The following LIPJ variants were observed in gnomAD, a reference collection of about 807,000 sequenced individuals.
The protein encoded by LIPJ is lipase member J.
Under a neutral mutation model 39.8 loss-of-function variants are expected in LIPJ, and 33 were observed. That is an observed-to-expected ratio of 0.83 (90% CI 0.63 to 1.11). The LOEUF is 1.11. LIPJ is among the 50% of genes least tolerant of loss of function. The pLI is 0.00. For missense variants in LIPJ, 422 were observed against 427.9 expected (o/e 0.99, Z 0.12); for synonymous variants, 128 against 139.2 (o/e 0.92, Z 0.57).
At chr10:88,615,644 AAAAAAAAC>A in the LIPJ span, among the ~76,000 whole-genome samples, 1 of 150,766 alleles carries the variant, frequency 6.6e-6, no homozygotes, top group Non-Finnish European at 1.5e-5. Flanking sequence ...AAAAAAAAAA[AAAAAAAAC>A]AGAAAGAAAT....
At chr10:88,596,119 G>A (rs986969533) in intron 6 of LIPJ, among the ~76,000 whole-genome samples, 161 bp from the exon 7 acceptor site, 9 of 151,462 alleles carry the variant, frequency 5.9e-5, no homozygotes, top group African/African-American at 1.9e-4. Flanking sequence ...ATATAATGTT[G>A]TATACTAGGT....
chr10:88,593,934 T>C lies in LIPJ; in HGVS notation c.131-12T>C. On this transcript the variant is annotated splice_polypyrimidine_tract_variant and intron_variant, in intron 4 of 10. Coordinates refer to ENST00000371939, the Ensembl canonical transcript of LIPJ. ...CAAAATTTATAAAGAACTTTCTACA[T>C]TTTTTTCTCAGCTCAGAGGGTTGTT... The C allele has an allele frequency of 1.3e-6, 2 of 1,589,752 alleles. No homozygotes were observed. The highest frequency in any genetic ancestry group is 1.7e-6 in the Non-Finnish European group (2 of 1,168,364).
At chr10:88,591,131 G>GGGTT (rs1554941664) in intron 3 of LIPJ, among the ~76,000 whole-genome samples, 2 of 150,838 alleles carry the variant, frequency 1.3e-5, no homozygotes, top group African/African-American at 4.9e-5. Context: ...TGAGGGTAGG[G>GGGTT]GTTTGTTTGT....
At chr10:88,608,566 A>C (rs1237745433), downstream of LIPJ, among the ~76,000 whole-genome samples, 1 of 152,234 alleles carries the variant, frequency 6.6e-6, no homozygotes, top group Non-Finnish European at 1.5e-5. Flanking sequence ...AAGAAAGTCT[A>C]GAATTGAGTG....
Position 88,596,384 on chromosome 10 carries a change from A to G in LIPJ, c.544A>G (p.Arg182Gly), listed in dbSNP as rs1238459921. The change falls in exon 7 of 11, where the codon AGA (arginine) becomes GGA (glycine). Residue 182 changes from arginine to glycine, a missense_variant. Coordinates refer to ENST00000371939, the Ensembl canonical transcript of LIPJ. ...AAAGTACTTAAAAAGTCCTTTAATT[A>G]GAATGACATACAAATGGAAGTCAAT... 1.9e-6 allele frequency: 3 copies of G among 1,548,042 alleles called. No individual in the cohort carries two copies. The Admixed American group carries it at 5.9e-5, about 31-fold the overall frequency.
upstream of LIPJ, among the ~76,000 whole-genome samples, chr10:88,585,168 C>T (rs1850867429): frequency 1.3e-5 from 2 of 152,166 alleles, no homozygotes; most frequent in Non-Finnish European, 2.9e-5. Context: ...ATTTTATACA[C>T]GTTAATACAG....
At chr10:88,594,754 C>T in exon 6 of LIPJ, 2 of 1,533,260 alleles carry the variant, frequency 1.3e-6, no homozygotes, top group Middle Eastern at 1.7e-4. Flanking sequence ...TTTATGTAGG[C>T]CATTCACAGG....
chr10:88,604,582 A>G (rs1851599235), intron 9 of LIPJ, among the ~76,000 whole-genome samples: 1 of 152,206 alleles, frequency 6.6e-6, no homozygotes, highest in Admixed American at 6.5e-5. Flanking sequence ...ACAAGATTTA[A>G]TGAAGGACTC....
At chr10:88,621,772 G>C in the LIPJ span, among the ~76,000 whole-genome samples, 1 of 152,120 alleles carries the variant, frequency 6.6e-6, no homozygotes, top group South Asian at 2.1e-4. Flanking sequence ...AATGATATTT[G>C]ACCTAAGGAA....
the LIPJ span, among the ~76,000 whole-genome samples, chr10:88,617,436 G>A: frequency 3.9e-5 from 6 of 152,274 alleles, no homozygotes; most frequent in Admixed American, 6.5e-5. Context: ...CCAGGAATAC[G>A]TCTCCTACTT....
At chr10:88,607,304 G>C (rs1417095132), downstream of LIPJ, among the ~76,000 whole-genome samples, 1 of 152,078 alleles carries the variant, frequency 6.6e-6, no homozygotes, top group Non-Finnish European at 1.5e-5. Context: ...TAAATGAAGA[G>C]TAAAAACACT....
chr10:88,608,163 C>T (rs1851707890), downstream of LIPJ, among the ~76,000 whole-genome samples: 1 of 152,192 alleles, frequency 6.6e-6, no homozygotes. Context: ...CTCCTGCCTA[C>T]TCTAGCTATC....
intron 8 of LIPJ, among the ~76,000 whole-genome samples, chr10:88,601,091 G>A (rs373321855): frequency 6.6e-5 from 10 of 151,978 alleles, no homozygotes; most frequent in Non-Finnish European, 7.4e-5. Flanking sequence ...TCAGACTACC[G>A]ACACACGCCA....
At chr10:88,596,691 A>T in intron 7 of LIPJ, 99 bp from the exon 8 acceptor site, 1 of 1,133,658 alleles carries the variant, frequency 8.8e-7, no homozygotes, top group South Asian at 1.4e-5. Flanking sequence ...AACTACTGTG[A>T]GATAATTTAT....
intron 8 of LIPJ, 120 bp from the exon 9 acceptor site, chr10:88,602,453 TTAA>T: frequency 3.6e-6 from 2 of 552,272 alleles, no homozygotes; most frequent in Non-Finnish European, 5.9e-6. Flanking sequence ...GATTTGTTTA[TTAA>T]TATGATTAAT....
At chr10:88,606,871 C>T (rs751810861) in exon 11 of LIPJ, 1 of 1,588,266 alleles carries the variant, frequency 6.3e-7, no homozygotes, top group South Asian at 1.1e-5. Flanking sequence ...ATCAAGTTTA[C>T]CATGAAATCA....
downstream of LIPJ, among the ~76,000 whole-genome samples, chr10:88,608,027 G>A (rs1011450773): frequency 2.0e-5 from 3 of 152,274 alleles, no homozygotes; most frequent in Non-Finnish European, 2.9e-5. Context: ...AATAGAAACC[G>A]TTTTGAAACA....
At chr10:88,605,834 T>A in intron 10 of LIPJ, 130 bp downstream of exon 10, 1 of 628,328 alleles carries the variant, frequency 1.6e-6, no homozygotes, top group Non-Finnish European at 2.8e-6. Context: ...ATGAAGATAA[T>A]GTTTATTTGG....
upstream of LIPJ, chr10:88,585,774 T>C (rs887044329): frequency 6.6e-6 from 1 of 152,210 alleles, no homozygotes; most frequent in Non-Finnish European, 1.5e-5. Context: ...CGTAGCTTTC[T>C]AACTAGTCTT....
Sources: allele counts gnomAD v4.1 joint callset (sites outside exome capture counted in the v4.1 genomes callset), GRCh38; gene constraint gnomAD v4.1.1; transcripts MANE v1.5; gene names NCBI Gene and HGNC (gene_info 2026-07-23, HGNC 2026-07-21).